The following CTNNA3 variants were observed in gnomAD, a reference collection of about 807,000 sequenced individuals.
The protein encoded by CTNNA3 is catenin alpha-3.
A neutral mutation model predicts 95.7 loss-of-function variants in CTNNA3; 76 were observed. The observed-to-expected ratio is 0.79, with a 90% CI of 0.66 to 0.96. The LOEUF (loss-of-function observed/expected upper bound fraction) is 0.96. Among genes scored for constraint, CTNNA3 ranks in the 40% least tolerant of loss-of-function variants. CTNNA3 has a pLI of 0.00. For synonymous variants in CTNNA3, 431 were observed against 374.4 expected, an observed-to-expected ratio of 1.15 and a Z score of -1.74; for missense variants, 1,191 against 1,089.8, an observed-to-expected ratio of 1.09 and a Z score of -1.31.
intron 15 of CTNNA3, among the ~76,000 whole-genome samples, chr10:65,993,139 A>T (rs976505052): frequency 3.3e-5 from 5 of 152,300 alleles, no homozygotes; most frequent in South Asian, 2.1e-4. Flanking sequence ...AAAATTTGTT[A>T]AGATTTGTTT....
chr10:66,784,278 G>A (rs766194199), intron 7 of CTNNA3, among the ~76,000 whole-genome samples: 7 of 151,832 alleles, frequency 4.6e-5, no homozygotes, highest in Non-Finnish European at 1.0e-4. Flanking sequence ...AAGAAACTTG[G>A]CATATAAAAA....
chr10:66,853,112 A>C (rs946037467), intron 7 of CTNNA3, among the ~76,000 whole-genome samples: 1 of 152,136 alleles, frequency 6.6e-6, no homozygotes, highest in African/African-American at 2.4e-5. Context: ...AAAATATACT[A>C]TTTTATGATA....
At chr10:67,094,788 T>TA (rs1188404293) in intron 7 of CTNNA3, among the ~76,000 whole-genome samples, 1 of 151,744 alleles carries the variant, frequency 6.6e-6, no homozygotes, top group Non-Finnish European at 1.5e-5. Flanking sequence ...AACAAAGACT[T>TA]ACCTGAACAC....
intron 7 of CTNNA3, among the ~76,000 whole-genome samples, chr10:66,858,548 G>T (rs1048894049): frequency 6.6e-6 from 1 of 151,900 alleles, no homozygotes; most frequent in Admixed American, 6.6e-5. Flanking sequence ...TTTTCTGGTT[G>T]GTAGGCTTTT....
At chr10:66,635,207 CAG>C (rs1845294178) in intron 9 of CTNNA3, among the ~76,000 whole-genome samples, 2 of 151,978 alleles carry the variant, frequency 1.3e-5, no homozygotes, top group South Asian at 2.1e-4. Flanking sequence ...ATATAATAAA[CAG>C]TACCAAATAA....
At chr10:67,301,986 A>AGAACGAAAGAAC (rs1469077485) in intron 5 of CTNNA3, among the ~76,000 whole-genome samples, 1 of 86,934 alleles carries the variant, frequency 1.2e-5, no homozygotes, top group Non-Finnish European at 2.0e-5. Context: ...AAAGAAAGAA[A>AGAACGAAAGAAC]GAAAGAACGA....
intron 6 of CTNNA3, among the ~76,000 whole-genome samples, chr10:67,185,008 C>A (rs1290069999): frequency 6.6e-6 from 1 of 151,932 alleles, no homozygotes; most frequent in Non-Finnish European, 1.5e-5. Flanking sequence ...TTTGAAGGCC[C>A]CTTATATAAT....
chr10:66,190,876 C>T (rs1285750126), intron 13 of CTNNA3, among the ~76,000 whole-genome samples: 1 of 152,140 alleles, frequency 6.6e-6, no homozygotes, highest in Non-Finnish European at 1.5e-5. Flanking sequence ...GGACCCTCCA[C>T]TTTCATAGCT....
rs12248641 is a variant in CTNNA3, at chr10:66,629,986, A to G, written c.1282-8202T>C. Reference sequence around the variant, plus strand: ...CACCTAAGTCAGATTTTTCCTTCAGAGCATGATTCTCAGTTTATAATTATA... The same window carrying G: ...CACCTAAGTCAGATTTTTCCTTCAGGGCATGATTCTCAGTTTATAATTATA... On this transcript the variant is annotated intron_variant, in intron 9 of 17. Coordinates refer to ENST00000433211, the MANE Select transcript of CTNNA3 (RefSeq NM_013266.4). Among the ~76,000 whole-genome samples, 1,000 of 152,272 alleles carry G rather than the reference A, an allele frequency of 6.6e-3. 13 individuals are homozygous for G. The highest frequency in any genetic ancestry group is 0.023 in the African/African-American group (953 of 41,572).
At chr10:66,352,621 G>A (rs968270671) in intron 12 of CTNNA3, among the ~76,000 whole-genome samples, 43 of 151,964 alleles carry the variant, frequency 2.8e-4, no homozygotes, top group African/African-American at 1.0e-3. Context: ...ATTAAATGTG[G>A]CCAATAATCC....
chr10:66,966,397 T>C (rs906792166), intron 7 of CTNNA3, among the ~76,000 whole-genome samples: 2 of 152,158 alleles, frequency 1.3e-5, no homozygotes, highest in Non-Finnish European at 2.9e-5. Context: ...ATTTATTTGA[T>C]GTCATTACTT....
At chr10:66,726,047 T>C (rs1848772082) in intron 9 of CTNNA3, among the ~76,000 whole-genome samples, 1 of 152,098 alleles carries the variant, frequency 6.6e-6, no homozygotes, top group African/African-American at 2.4e-5. Flanking sequence ...TTCTTTATGG[T>C]CTTGAACAAA....
chr10:66,632,600 C>A (rs867784285), intron 9 of CTNNA3, among the ~76,000 whole-genome samples: 2 of 149,094 alleles, frequency 1.3e-5, no homozygotes, highest in Non-Finnish European at 3.0e-5. Context: ...TATTATGTGC[C>A]AGTAATTAAA....
chr10:67,532,605 G>C (rs1334436619), intron 4 of CTNNA3, among the ~76,000 whole-genome samples: 1 of 152,094 alleles, frequency 6.6e-6, no homozygotes, highest in Admixed American at 6.5e-5. Context: ...GAAAAAGTTA[G>C]AAAAGTTAGT....
chr10:67,595,883 C>A (rs1842920594), intron 3 of CTNNA3, among the ~76,000 whole-genome samples: 1 of 151,996 alleles, frequency 6.6e-6, no homozygotes, highest in African/African-American at 2.4e-5. Flanking sequence ...TATGAAATGC[C>A]CTTCTTTGTC....
intron 2 of CTNNA3, among the ~76,000 whole-genome samples, chr10:67,624,351 C>T (rs1435248120): frequency 6.6e-6 from 1 of 152,144 alleles, no homozygotes; most frequent in South Asian, 2.1e-4. Context: ...TCTGCGGGCC[C>T]AACAAACTTT....
chr10:66,938,085 GCAAA>G (rs1564780481), intron 7 of CTNNA3, among the ~76,000 whole-genome samples: 2 of 152,084 alleles, frequency 1.3e-5, no homozygotes, highest in Non-Finnish European at 1.5e-5. Context: ...AGTTATTATT[GCAAA>G]CAATCTACAG....
intron 13 of CTNNA3, among the ~76,000 whole-genome samples, chr10:66,135,331 GC>G (rs1252113401): frequency 1.3e-5 from 2 of 152,084 alleles, no homozygotes; most frequent in African/African-American, 4.8e-5. Context: ...CAAAAAAACT[GC>G]CCCAAACCTA....
chr10:66,801,594 A>G (rs1029697118), intron 7 of CTNNA3, among the ~76,000 whole-genome samples: 2 of 151,650 alleles, frequency 1.3e-5, no homozygotes, highest in African/African-American at 4.8e-5. Flanking sequence ...AATATTTTTG[A>G]GACAAAGTAA....
Sources: allele counts gnomAD v4.1 joint callset (sites outside exome capture counted in the v4.1 genomes callset), GRCh38; gene constraint gnomAD v4.1.1; transcripts MANE v1.5; gene names NCBI Gene and HGNC (gene_info 2026-07-23, HGNC 2026-07-21).